Variants in STAG1 observed in about 807,000 individuals in gnomAD.
The protein encoded by STAG1 is cohesin subunit SA-1.
Under a neutral mutation model 170.9 loss-of-function variants are expected in STAG1, and 26 were observed. The ratio of observed to expected loss-of-function variants is 0.15; its 90% CI spans 0.11 to 0.21. The LOEUF (loss-of-function observed/expected upper bound fraction) is 0.21. Ranked by LOEUF, STAG1 falls within the 10% of genes least tolerant of loss-of-function variation. The pLI is 1.00. For missense variants in STAG1, 964 were observed against 1,509.5 expected (o/e 0.64, Z 5.99); for synonymous variants, 514 against 497.7 (o/e 1.03, Z -0.44).
chr3:136,704,059 T>C (rs1943154476), intron 1 of STAG1, among the ~76,000 whole-genome samples: 1 of 149,428 alleles, frequency 6.7e-6, no homozygotes, highest in Non-Finnish European at 1.5e-5. Context: ...TGATTTTTTT[T>C]TTTTTTTTTG....
At chr3:136,718,792 TG>T (rs775782082) in intron 1 of STAG1, among the ~76,000 whole-genome samples, 22 of 150,842 alleles carry the variant, frequency 1.5e-4, no homozygotes, top group African/African-American at 5.1e-4. Flanking sequence ...CCAAGTGTGG[TG>T]GGGGGGGCCT....
At chr3:136,717,139 T>C (rs1048804424) in intron 1 of STAG1, among the ~76,000 whole-genome samples, 3 of 152,220 alleles carry the variant, frequency 2.0e-5, no homozygotes, top group Admixed American at 6.5e-5. Context: ...CAAGGTATTG[T>C]TAACCCTGCC....
intron 1 of STAG1, among the ~76,000 whole-genome samples, chr3:136,658,936 T>C (rs560959820): frequency 5.9e-5 from 9 of 152,266 alleles, no homozygotes; most frequent in Admixed American, 3.3e-4. Context: ...ACCATCCAAA[T>C]ACCCCTAAGA....
intron 1 of STAG1, chr3:136,737,024 TTA>T: frequency 6.5e-7 from 1 of 1,532,748 alleles, no homozygotes; most frequent in Admixed American, 1.7e-5. Flanking sequence ...TGCCGCTTTT[TTA>T]TTTCTTCATC....
chr3:136,340,383 A>G, intron 32 of STAG1, 108 bp downstream of exon 32: 1 of 690,044 alleles, frequency 1.4e-6, no homozygotes, highest in Non-Finnish European at 2.5e-6. Context: ...CAGCCTCCCA[A>G]AGTGCTGGGA....
In STAG1 at chr3:136,405,560, G is replaced by A. The variant is rs1454068979; in HGVS notation, c.2197-6731C>T. 2.0e-5 allele frequency among the ~76,000 whole-genome samples: 3 copies of A among 151,546 alleles called. No individual in the cohort carries two copies. In the East Asian group the frequency reaches 5.8e-4, roughly 29 times the overall value. ...TCCAGCCTCAACATCTTTAGTATTA[G>A]GAAAAATATGTTAGGCCAGGTGTGG... is the stretch of plus-strand genomic sequence containing the variant. On this transcript the variant is annotated intron_variant, in intron 21 of 33. Coordinates refer to ENST00000383202, the MANE Select transcript of STAG1 (RefSeq NM_005862.3).
At position 136,627,336 on chromosome 3, in the gene STAG1, C is replaced by T. The variant is rs188831213; in HGVS notation, c.29+3534G>A. On this transcript the variant is annotated intron_variant, in intron 2 of 33. Coordinates refer to ENST00000383202, the MANE Select transcript of STAG1 (RefSeq NM_005862.3). ...CTTTATCTCATCCTAACTCTGAATC[C>T]CATCTGCAGAATACCACTGTTAATA... Among the ~76,000 whole-genome samples the T allele has an allele frequency of 3.4e-3, 515 of 152,186 alleles. 2 individuals are homozygous for T. The highest frequency in any genetic ancestry group is 8.9e-3 in the African/African-American group (370 of 41,516).
chr3:136,479,049 T>C (rs920689027), intron 9 of STAG1, among the ~76,000 whole-genome samples: 3 of 144,414 alleles, frequency 2.1e-5, no homozygotes, highest in African/African-American at 8.0e-5. Flanking sequence ...ATGTTGGCTA[T>C]TATAATCTTT....
At position 136,442,450 on chromosome 3, in the gene STAG1, T is replaced by A. The variant is rs1340864044; in HGVS notation, c.1546+837A>T. Among the ~76,000 whole-genome samples, 4 of 152,204 alleles carry A rather than the reference T, an allele frequency of 2.6e-5. No individual in the cohort carries two copies. The South Asian group carries it at 8.3e-4, about 32-fold the overall frequency. On this transcript the variant is annotated intron_variant, in intron 15 of 33. Transcript: ENST00000383202. Reference sequence around the variant, plus strand: ...TCTTTATTAGGTATACATGTTCAATTTGCTGTGCATATTATTAAGTAGCAT... The same window carrying A: ...TCTTTATTAGGTATACATGTTCAATATGCTGTGCATATTATTAAGTAGCAT...
chr3:136,603,347 G>T (rs989562381), intron 4 of STAG1, among the ~76,000 whole-genome samples: 2 of 151,946 alleles, frequency 1.3e-5, no homozygotes, highest in African/African-American at 2.4e-5. Flanking sequence ...TTATGGGAGA[G>T]AAATACAGTA....
chr3:136,649,988 T>C (rs1185399371), intron 1 of STAG1, among the ~76,000 whole-genome samples: 2 of 152,016 alleles, frequency 1.3e-5, no homozygotes, highest in Non-Finnish European at 2.9e-5. Context: ...AAGATGGTCT[T>C]GATCTCCTGA....
chr3:136,460,494 C>T (rs1184894799), intron 13 of STAG1, among the ~76,000 whole-genome samples: 5 of 151,998 alleles, frequency 3.3e-5, no homozygotes, highest in Admixed American at 2.0e-4. Flanking sequence ...CCCAGCTACT[C>T]GAGAGGCTGA....
At chr3:136,611,153 AT>A (rs1163830048) in intron 3 of STAG1, among the ~76,000 whole-genome samples, 2 of 151,426 alleles carry the variant, frequency 1.3e-5, no homozygotes, top group East Asian at 1.9e-4. Context: ...ATTTTACATA[AT>A]TTTTTTTTCT....
chr3:136,598,848 C>T (rs1394181124), intron 4 of STAG1, among the ~76,000 whole-genome samples: 2 of 152,152 alleles, frequency 1.3e-5, no homozygotes, highest in African/African-American at 4.8e-5. Context: ...AACGATCAGA[C>T]ATTCCTTGAT....
At chr3:136,747,782 T>C (rs1478409842) in intron 1 of STAG1, among the ~76,000 whole-genome samples, 1 of 151,738 alleles carries the variant, frequency 6.6e-6, no homozygotes, top group Non-Finnish European at 1.5e-5. Flanking sequence ...ACGTAATTTT[T>C]TTTTTTTTTT....
At chr3:136,743,604 T>C (rs932252306) in intron 1 of STAG1, among the ~76,000 whole-genome samples, 1 of 152,068 alleles carries the variant, frequency 6.6e-6, no homozygotes, top group Admixed American at 6.6e-5. Flanking sequence ...GATTTTGTTA[T>C]CAAAACCATC....
chr3:136,368,587 A>G (rs1383874183), intron 24 of STAG1, among the ~76,000 whole-genome samples: 1 of 152,228 alleles, frequency 6.6e-6, no homozygotes, highest in Admixed American at 6.5e-5. Flanking sequence ...TGACAAATGT[A>G]CACTACTATT....
At chr3:136,494,776 T>C (rs1344325292) in intron 9 of STAG1, among the ~76,000 whole-genome samples, 1 of 152,072 alleles carries the variant, frequency 6.6e-6, no homozygotes, top group Non-Finnish European at 1.5e-5. Flanking sequence ...AAATTCCTCA[T>C]CCTACTAAAG....
intron 4 of STAG1, among the ~76,000 whole-genome samples, chr3:136,589,792 G>A (rs1576639599): frequency 6.6e-6 from 1 of 151,792 alleles, no homozygotes; most frequent in African/African-American, 2.4e-5. Context: ...TTAGCTGGGC[G>A]TGGTGGCACA....
Sources: allele counts gnomAD v4.1 joint callset (sites outside exome capture counted in the v4.1 genomes callset), GRCh38; gene constraint gnomAD v4.1.1; transcripts MANE v1.5; gene names NCBI Gene and HGNC (gene_info 2026-07-23, HGNC 2026-07-21).